The following RPS6KA5 variants were observed in gnomAD, a reference collection of about 807,000 sequenced individuals.
RPS6KA5 encodes the protein ribosomal protein S6 kinase A5, also known as ribosomal protein S6 kinase alpha-5.
In RPS6KA5, 27 loss-of-function variants were observed where a neutral mutation model predicts 85.5. The observed-to-expected ratio is 0.32, with a 90% CI of 0.23 to 0.44. RPS6KA5 has a LOEUF of 0.44. Among genes scored for constraint, RPS6KA5 ranks in the 20% least tolerant of loss-of-function variants. RPS6KA5 has a pLI of 1.00. For missense variants in RPS6KA5, 811 were observed against 980.9 expected (o/e 0.83, Z 2.31); for synonymous variants, 334 against 348.2 (o/e 0.96, Z 0.46).
intron 1 of RPS6KA5, among the ~76,000 whole-genome samples, chr14:91,030,674 C>G (rs1214321395): frequency 9.2e-6 from 1 of 108,622 alleles, no homozygotes; most frequent in Admixed American, 9.5e-5. Context: ...ACCCAGGGTA[C>G]TAGGAAAATA....
At position 90,912,482 on chromosome 14, in the gene RPS6KA5, C is replaced by T. The variant is rs117739296; in HGVS notation, c.807-6183G>A. Among the ~76,000 whole-genome samples, 832 of 152,298 alleles carry T rather than the reference C, an allele frequency of 5.5e-3. 2 individuals are homozygous for T. Among genetic ancestry groups the T allele is most frequent in the Non-Finnish European group, 9.7e-3 (662 of 68,016 alleles). On this transcript the variant is annotated intron_variant, in intron 7 of 16. Coordinates refer to ENST00000614987, the MANE Select transcript of RPS6KA5 (RefSeq NM_004755.4). Reference sequence around the variant, plus strand: ...CATTGAGTCCCAGGCAAGTTACATCCTAGTTTCTTCATCTGTAAAACTGCA... The same window carrying T: ...CATTGAGTCCCAGGCAAGTTACATCTTAGTTTCTTCATCTGTAAAACTGCA...
chr14:90,961,290 G>A (rs80261348), intron 3 of RPS6KA5, among the ~76,000 whole-genome samples: 4,927 of 152,270 alleles, frequency 0.032, 266 homozygotes, highest in African/African-American at 0.11. Context: ...AAAACTGAGA[G>A]TGGTTAAGTC....
rs139482492 is a variant in RPS6KA5, at chr14:90,944,027, G to T, written c.511-842C>A. Among the ~76,000 whole-genome samples, 621 of 152,172 alleles carry T rather than the reference G, an allele frequency of 4.1e-3. 6 individuals are homozygous for T. The highest frequency in any genetic ancestry group is 6.8e-3 in the Middle Eastern group (2 of 294). On this transcript the variant is annotated intron_variant, in intron 4 of 16. Transcript: ENST00000614987. ...GCCACTGCACTAGGCTCAAACTTTA[G>T]TTCTAAATAAGCAAAGAAAATCAAT...
At chr14:91,003,957 T>TAAA (rs1357382979) in intron 1 of RPS6KA5, among the ~76,000 whole-genome samples, 1 of 152,232 alleles carries the variant, frequency 6.6e-6, no homozygotes, top group Non-Finnish European at 1.5e-5. Context: ...GACAAGTAAG[T>TAAA]CCTTAAGCAG....
At chr14:90,997,291 C>T (rs368655442) in intron 2 of RPS6KA5, among the ~76,000 whole-genome samples, 1 of 152,132 alleles carries the variant, frequency 6.6e-6, no homozygotes, top group Admixed American at 6.5e-5. Context: ...TAAAAGTGTG[C>T]ATGACTTTTT....
intron 1 of RPS6KA5, among the ~76,000 whole-genome samples, chr14:91,053,749 C>T (rs1257306987): frequency 2.6e-5 from 4 of 152,168 alleles, no homozygotes; most frequent in Admixed American, 1.3e-4. Flanking sequence ...GACGACTTAA[C>T]ATTGCTAAGA....
At chr14:90,905,900 T>C (rs541002111) in intron 8 of RPS6KA5, among the ~76,000 whole-genome samples, 7 of 152,256 alleles carry the variant, frequency 4.6e-5, no homozygotes, top group African/African-American at 1.4e-4. Flanking sequence ...TTGAATGCTA[T>C]TATGATCCTC....
intron 12 of RPS6KA5, 34 bp downstream of exon 12, chr14:90,899,295 C>T (rs758402550): frequency 7.8e-7 from 1 of 1,289,938 alleles, no homozygotes; most frequent in Non-Finnish European, 1.1e-6. Context: ...TGAATTAGTA[C>T]ACATGGGAAA....
At chr14:90,968,703 C>A (rs962191926) in intron 3 of RPS6KA5, among the ~76,000 whole-genome samples, 1 of 152,144 alleles carries the variant, frequency 6.6e-6, no homozygotes, top group South Asian at 2.1e-4. Flanking sequence ...CAAAATAGCA[C>A]AAAAACTGCC....
intron 4 of RPS6KA5, among the ~76,000 whole-genome samples, chr14:90,944,692 T>C (rs1595290286): frequency 6.7e-6 from 1 of 148,718 alleles, no homozygotes; most frequent in South Asian, 2.2e-4. Context: ...GAGGTGGAGG[T>C]TACGGTGAGC....
In RPS6KA5 at chr14:90,856,380, T is replaced by TC. The variant is rs1219728901; in HGVS notation, c.*15693_*15694insG. On this transcript the variant is annotated 3_prime_UTR_variant, in exon 17 of 17. Transcript: ENST00000614987. ...GCGTGATTTTTTTTTTTTTTTTTTT[T>TC]GAGACGGAGTTTCACTCTTGTTGCC... The TC allele has an allele frequency of 7.7e-5, 12 of 156,294 alleles. No individual in the cohort carries two copies. Among genetic ancestry groups the TC allele is most frequent in the African/African-American group, 3.0e-4 (12 of 40,136 alleles). 9.7% of individuals were successfully genotyped at this position (156,294 alleles called of 1,614,324 possible).
chr14:90,976,202 G>GAAGA (rs1388670782), intron 3 of RPS6KA5, among the ~76,000 whole-genome samples: 31 of 109,068 alleles, frequency 2.8e-4, no homozygotes, highest in Non-Finnish European at 4.7e-4. Context: ...TAAGAGAACA[G>GAAGA]AAAAAAAAAA....
chr14:91,010,616 G>A (rs1195199540), intron 1 of RPS6KA5, among the ~76,000 whole-genome samples: 1 of 152,144 alleles, frequency 6.6e-6, no homozygotes, highest in East Asian at 1.9e-4. Flanking sequence ...AATTTACACA[G>A]GAAGGTTGCA....
chr14:90,978,716 T>C (rs1376967246), intron 2 of RPS6KA5, among the ~76,000 whole-genome samples, 192 bp from the exon 3 acceptor site: 2 of 152,180 alleles, frequency 1.3e-5, no homozygotes, highest in Non-Finnish European at 2.9e-5. Context: ...GTCTAACCCT[T>C]AATGTTTACA....
intron 3 of RPS6KA5, among the ~76,000 whole-genome samples, chr14:90,951,118 C>CAAAAAAAAAAA (rs57389099): frequency 1.2e-5 from 1 of 84,570 alleles, no homozygotes. Flanking sequence ...GACTCAGTCT[C>CAAAAAAAAAAA]AAAAAAAAAA....
At chr14:91,001,630 T>A (rs1425475082) in intron 1 of RPS6KA5, among the ~76,000 whole-genome samples, 1 of 152,184 alleles carries the variant, frequency 6.6e-6, no homozygotes, top group African/African-American at 2.4e-5. Flanking sequence ...ATAGTATGCA[T>A]TCGTCACTTC....
At position 90,862,044 on chromosome 14, in the gene RPS6KA5, GAACT is replaced by G. The variant is rs2032580868; in HGVS notation, c.*10026_*10029del. ...AAATGAATTTCTAAAAATTACTAAC[GAACT>G]AACATAGGAGGAAACAATGGACAAA... is the stretch of plus-strand genomic sequence containing the variant. On this transcript the variant is annotated 3_prime_UTR_variant, in exon 17 of 17. Transcript: ENST00000614987. 2.0e-5 allele frequency: 3 copies of G among 152,006 alleles called. No individual in the cohort carries two copies. The highest frequency in any genetic ancestry group is 4.4e-5 in the Non-Finnish European group (3 of 67,998). The allele number at this position is 152,006 out of a possible 1,614,324, so 9.4% of individuals were successfully genotyped here. A position where few individuals can be genotyped will look rare whatever the true frequency, so the allele number is the denominator to read the frequency against.
chr14:91,010,614 C>G (rs544765107), intron 1 of RPS6KA5, among the ~76,000 whole-genome samples: 1 of 152,240 alleles, frequency 6.6e-6, no homozygotes, highest in African/African-American at 2.4e-5. Flanking sequence ...AAAATTTACA[C>G]AGGAAGGTTG....
At chr14:90,967,184 C>T (rs1015781043) in intron 3 of RPS6KA5, among the ~76,000 whole-genome samples, 9 of 152,098 alleles carry the variant, frequency 5.9e-5, no homozygotes, top group Non-Finnish European at 1.3e-4. Context: ...GATCCTTGTG[C>T]CAATGATTTG....
Sources: gnomAD v4.1 joint callset for allele counts (sites outside exome capture counted in the v4.1 genomes callset) on GRCh38, gnomAD v4.1.1 for gene constraint, MANE v1.5 for transcripts, NCBI Gene and HGNC (gene_info 2026-07-23, HGNC 2026-07-21) for gene names.